TANGO2: variants seen among roughly 807,000 people sequenced by gnomAD.
TANGO2 encodes the protein transport and golgi organization 2 homolog.
TANGO2 carries 26 observed loss-of-function variants against 39.1 expected under a neutral mutation model. The observed-to-expected ratio is 0.67, with a 90% confidence interval of 0.49 to 0.92. The LOEUF (loss-of-function observed/expected upper bound fraction) is 0.92, where lower values mean the gene tolerates loss of function less well. Ranked by LOEUF, TANGO2 falls within the 40% of genes least tolerant of loss-of-function variation. The pLI is 0.00. For missense variants in TANGO2, 326 were observed against 360.1 expected, an observed-to-expected ratio of 0.91 and a Z score of 0.77; for synonymous variants, 131 against 144.5, an observed-to-expected ratio of 0.91 and a Z score of 0.67.
chr22:20,049,380 G>T (rs2045852908), intron 3 of TANGO2, among the ~76,000 whole-genome samples: 1 of 152,164 alleles, frequency 6.6e-6, no homozygotes, highest in African/African-American at 2.4e-5. Context: ...TTGAAATCAG[G>T]CTGAGCACTG....
In TANGO2 at chr22:20,058,822, TAG is replaced by T. The variant is rs552705908; in HGVS notation, c.452-2705_452-2704del. 1.5e-4 allele frequency among the ~76,000 whole-genome samples: 23 copies of T among 152,216 alleles called. No individual in the cohort carries two copies. The South Asian group carries it at 4.8e-3, about 32-fold the overall frequency. ...GCCTCCCAAGGTCCATATCACACAATAGAGTCATACATATTCAGCAGGTTTGG... is the reference window on the plus strand; with the variant it reads ...GCCTCCCAAGGTCCATATCACACAATAGTCATACATATTCAGCAGGTTTGG... On this transcript the variant is annotated intron_variant, in intron 6 of 8. Transcript: ENST00000327374.
At chr22:20,056,765 G>A (rs1352460936) in intron 6 of TANGO2, 2 of 456,248 alleles carry the variant, frequency 4.4e-6, no homozygotes, top group Admixed American at 2.3e-5. Flanking sequence ...TCCCCTGGGT[G>A]CACAAAACTG....
intron 6 of TANGO2, chr22:20,058,465 AC>A (rs1211786427): frequency 6.6e-6 from 1 of 152,054 alleles, no homozygotes; most frequent in African/African-American, 2.4e-5. Context: ...ACACGGTGAG[AC>A]CCCATCTCTA....
chr22:20,049,490 G>T (rs568251187), intron 3 of TANGO2, among the ~76,000 whole-genome samples: 3 of 151,934 alleles, frequency 2.0e-5, no homozygotes, highest in Non-Finnish European at 4.4e-5. Flanking sequence ...GAGAAACCCC[G>T]TCTCTACTAA....
chr22:20,056,076 G>A (rs766438844), intron 6 of TANGO2, 63 bp downstream of exon 6: 16 of 1,308,788 alleles, frequency 1.2e-5, no homozygotes, highest in Non-Finnish European at 1.7e-5. Context: ...TCACCCTTGT[G>A]CTTTTTAGAG....
intron 2 of TANGO2, among the ~76,000 whole-genome samples, chr22:20,038,973 C>T (rs1045027449): frequency 6.6e-6 from 1 of 151,302 alleles, no homozygotes; most frequent in Non-Finnish European, 1.5e-5. Flanking sequence ...CAGGATCTTG[C>T]TCTGTTGCCC....
At chr22:20,018,210 C>T (rs935421369), upstream of TANGO2, among the ~76,000 whole-genome samples, 1 of 152,260 alleles carries the variant, frequency 6.6e-6, no homozygotes, top group African/African-American at 2.4e-5. Context: ...CAGCTACTAT[C>T]AATCGATTGG....
chr22:20,020,454 G>C (rs2039487127), upstream of TANGO2, among the ~76,000 whole-genome samples: 1 of 151,928 alleles, frequency 6.6e-6, no homozygotes, highest in Non-Finnish European at 1.5e-5. Flanking sequence ...AGTCAAGCTG[G>C]GCCAGCCCCT....
intron 1 of TANGO2, among the ~76,000 whole-genome samples, chr22:20,024,491 G>T (rs1175531471): frequency 6.6e-6 from 1 of 152,242 alleles, no homozygotes. Flanking sequence ...GCCCCTGGGG[G>T]CTGCCACCGC....
In TANGO2 at chr22:20,052,499, A is replaced by G. The variant is rs2046543733; in HGVS notation, c.180A>G (p.Thr60=). The change falls in exon 4 of 9, where the codon ACA becomes ACG. Residue 60 remains threonine, a synonymous_variant. Transcript: ENST00000327374. ...LDMEEGKEGG[T]WLGISTRGKL... is the part of the protein sequence containing the mutation. ...TGGAGGAAGGCAAGGAAGGAGGCAC[A>G]TGGCTGGGCATCAGCACACGTGGCA... 6.2e-7 allele frequency: 1 copy of G among 1,607,042 alleles called. No homozygotes were observed. Among genetic ancestry groups the G allele is most frequent in the Non-Finnish European group, 8.5e-7 (1 of 1,176,928 alleles).
At chr22:20,025,276 A>G (rs1361900353) in intron 1 of TANGO2, among the ~76,000 whole-genome samples, 2 of 151,560 alleles carry the variant, frequency 1.3e-5, no homozygotes, top group Non-Finnish European at 2.9e-5. Flanking sequence ...TGTTTTTAGT[A>G]GAGACGGGGT....
At chr22:20,048,113 T>G (rs2045599341) in intron 3 of TANGO2, 1 of 151,964 alleles carries the variant, frequency 6.6e-6, no homozygotes, top group Admixed American at 6.6e-5. Flanking sequence ...TTAGTAGAGA[T>G]GGGGTTTCAC....
At chr22:20,039,953 A>G (rs1346959545) in intron 2 of TANGO2, among the ~76,000 whole-genome samples, 1 of 151,816 alleles carries the variant, frequency 6.6e-6, no homozygotes, top group Non-Finnish European at 1.5e-5. Context: ...TAGTGGTTTC[A>G]GTTATTGGAA....
Position 20,064,784 on chromosome 22 carries a change from G to A in TANGO2, c.*122G>A. On this transcript the variant is annotated 3_prime_UTR_variant, in exon 9 of 9. Transcript: ENST00000327374. ...CCCGTGGCTTGGCCAGCATCCCCCG[G>A]ATCAGGGCCCTGTGGTTTGCGTGTT... 1 of 1,283,614 alleles carries A rather than the reference G, an allele frequency of 7.8e-7. No individual in the cohort carries two copies. 79.5% of individuals were successfully genotyped at this position (1,283,614 alleles called of 1,614,324 possible).
At chr22:20,055,713 G>A in intron 5 of TANGO2, 2 of 589,808 alleles carry the variant, frequency 3.4e-6, no homozygotes, top group South Asian at 4.0e-5. Context: ...TGGGCTGGTG[G>A]GCCCCGAGGT....
At chr22:20,060,945 A>G (rs2048274482) in intron 6 of TANGO2, among the ~76,000 whole-genome samples, 1 of 152,090 alleles carries the variant, frequency 6.6e-6, no homozygotes, top group South Asian at 2.1e-4. Context: ...CCTGTTGGCC[A>G]TGCCTTCTGC....
chr22:20,022,543 C>T (rs2039922846), intron 1 of TANGO2, among the ~76,000 whole-genome samples: 2 of 152,258 alleles, frequency 1.3e-5, no homozygotes, highest in Non-Finnish European at 2.9e-5. Flanking sequence ...TAGCCCTTCC[C>T]TGAGCTAAGG....
chr22:20,033,226 C>T (rs371260800), intron 1 of TANGO2: 14 of 527,900 alleles, frequency 2.7e-5, no homozygotes, highest in East Asian at 5.7e-5. Flanking sequence ...TCCCAATGAC[C>T]GCGTCTTCGT....
intron 2 of TANGO2, among the ~76,000 whole-genome samples, chr22:20,037,341 G>A (rs1460419650): frequency 6.6e-6 from 1 of 152,088 alleles, no homozygotes; most frequent in African/African-American, 2.4e-5. Context: ...AGGAAATCGA[G>A]GCCAGAAGCC....
Sources: allele counts gnomAD v4.1 joint callset (sites outside exome capture counted in the v4.1 genomes callset), GRCh38; gene constraint gnomAD v4.1.1; transcripts MANE v1.5; gene names NCBI Gene and HGNC (gene_info 2026-07-23, HGNC 2026-07-21).